The following NFAT5 variants were observed in gnomAD, a reference collection of about 807,000 sequenced individuals.
NFAT5 encodes nuclear factor of activated T cells 5, also known as nuclear factor of activated T-cells 5.
A neutral mutation model predicts 166.5 loss-of-function variants in NFAT5; 31 were observed. The observed-to-expected ratio is 0.19, with a 90% CI of 0.14 to 0.25. The LOEUF (loss-of-function observed/expected upper bound fraction) is 0.25. Ranked by LOEUF, NFAT5 falls within the 10% of genes least tolerant of loss-of-function variation. NFAT5 has a pLI of 1.00. For missense variants in NFAT5, 1,449 were observed against 1,821.8 expected (o/e 0.80, Z 3.72); for synonymous variants, 612 against 639.7 (o/e 0.96, Z 0.65).
At chr16:69,607,489 A>G (rs1008171301) in intron 2 of NFAT5, among the ~76,000 whole-genome samples, 1 of 152,244 alleles carries the variant, frequency 6.6e-6, no homozygotes, top group Non-Finnish European at 1.5e-5. Flanking sequence ...ATGAAAATTT[A>G]TGTGCTTTTA....
At chr16:69,609,819 GAAAAAAAAAA>G (rs1157655325) in intron 2 of NFAT5, among the ~76,000 whole-genome samples, 2 of 75,324 alleles carry the variant, frequency 2.7e-5, no homozygotes, top group Admixed American at 1.8e-4. Context: ...TGTCTCTACT[GAAAAAAAAAA>G]AAAAAAAAAA....
chr16:69,670,155 T>C (rs1160759052), intron 8 of NFAT5, 44 bp downstream of exon 8: 33 of 1,597,238 alleles, frequency 2.1e-5, no homozygotes, highest in Non-Finnish European at 2.8e-5. Context: ...ATGTTTTCAC[T>C]TTGTTATATG....
At chr16:69,637,681 C>T (rs924006393) in intron 3 of NFAT5, among the ~76,000 whole-genome samples, 1 of 152,184 alleles carries the variant, frequency 6.6e-6, no homozygotes, top group Non-Finnish European at 1.5e-5. Flanking sequence ...TCAAATACCA[C>T]CTCCTGGGTC....
chr16:69,649,972 A>G (rs1196815449), intron 4 of NFAT5, among the ~76,000 whole-genome samples: 1 of 152,004 alleles, frequency 6.6e-6, no homozygotes. Context: ...ACCATTAAAA[A>G]AAAAAGCTTA....
At chr16:69,674,322 A>G (rs946959721) in intron 9 of NFAT5, among the ~76,000 whole-genome samples, 1 of 151,852 alleles carries the variant, frequency 6.6e-6, no homozygotes, top group African/African-American at 2.4e-5. Context: ...TCTTTGTTCA[A>G]TTGTTTTCTG....
At chr16:69,598,524 G>A (rs113955299) in intron 2 of NFAT5, among the ~76,000 whole-genome samples, 2,833 of 151,532 alleles carry the variant, frequency 0.019, 96 homozygotes, top group African/African-American at 0.061. Context: ...TAAAATAATT[G>A]TTTCATGATA....
At chr16:69,575,353 A>C (rs2016685325) in intron 2 of NFAT5, among the ~76,000 whole-genome samples, 1 of 152,070 alleles carries the variant, frequency 6.6e-6, no homozygotes, top group South Asian at 2.1e-4. Flanking sequence ...TTTTTAGTAG[A>C]GACAGGGTTT....
chr16:69,650,866 G>T (rs1280968131), intron 4 of NFAT5, among the ~76,000 whole-genome samples: 1 of 152,070 alleles, frequency 6.6e-6, no homozygotes, highest in African/African-American at 2.4e-5. Flanking sequence ...TTTACTTTAA[G>T]ATTAGTATAA....
chr16:69,627,977 C>A (rs1005035327), intron 3 of NFAT5, among the ~76,000 whole-genome samples: 1 of 152,040 alleles, frequency 6.6e-6, no homozygotes, highest in Non-Finnish European at 1.5e-5. Flanking sequence ...TAACTGATTT[C>A]TTTTGTATCT....
intron 2 of NFAT5, among the ~76,000 whole-genome samples, chr16:69,610,139 G>T (rs1468167368): frequency 6.6e-6 from 1 of 152,170 alleles, no homozygotes; most frequent in Admixed American, 6.5e-5. Flanking sequence ...ATAACTGAAA[G>T]TGAAGACCCT....
intron 2 of NFAT5, among the ~76,000 whole-genome samples, chr16:69,610,181 A>T (rs2033642678): frequency 6.6e-6 from 1 of 152,188 alleles, no homozygotes. Context: ...GTTAATCAGA[A>T]AATTGGTGAT....
chr16:69,652,111 A>G (rs1166252356), intron 4 of NFAT5, among the ~76,000 whole-genome samples: 2 of 152,220 alleles, frequency 1.3e-5, no homozygotes, highest in African/African-American at 2.4e-5. Flanking sequence ...TTGAACATGC[A>G]TTCCACATAG....
intron 3 of NFAT5, among the ~76,000 whole-genome samples, chr16:69,633,939 A>G (rs2034834125): frequency 6.6e-6 from 1 of 152,162 alleles, no homozygotes; most frequent in Non-Finnish European, 1.5e-5. Context: ...CTACCCCATG[A>G]ATATGTATGA....
At chr16:69,573,425 G>A (rs958338270) in intron 2 of NFAT5, among the ~76,000 whole-genome samples, 1 of 152,022 alleles carries the variant, frequency 6.6e-6, no homozygotes, top group African/African-American at 2.4e-5. Context: ...TATGTACAAA[G>A]ATACCTTTTT....
intron 11 of NFAT5, chr16:69,685,186 ATATAT>A (rs1422727211): frequency 0.019 from 1,760 of 93,814 alleles, 17 homozygotes; most frequent in East Asian, 0.066. Flanking sequence ...ATATATATAT[ATATAT>A]TTTTTTTTTT....
chr16:69,676,439 G>A (rs569780276), intron 9 of NFAT5, among the ~76,000 whole-genome samples: 1 of 152,312 alleles, frequency 6.6e-6, no homozygotes, highest in South Asian at 2.1e-4. Context: ...GTAGCGAACT[G>A]CATTGTGAAA....
chr16:69,628,902 G>A (rs1007693152), intron 3 of NFAT5, among the ~76,000 whole-genome samples: 4 of 152,086 alleles, frequency 2.6e-5, no homozygotes, highest in Non-Finnish European at 4.4e-5. Flanking sequence ...GTGAAACTGC[G>A]TCTCTACTAA....
intron 3 of NFAT5, among the ~76,000 whole-genome samples, chr16:69,635,676 G>A (rs2034934114): frequency 1.3e-5 from 2 of 152,102 alleles, no homozygotes; most frequent in Admixed American, 6.5e-5. Context: ...GAGAAAATGA[G>A]GAAGAAGCAA....
chr16:69,630,418 A>G (rs1185646806), intron 3 of NFAT5, among the ~76,000 whole-genome samples: 1 of 151,994 alleles, frequency 6.6e-6, no homozygotes, highest in African/African-American at 2.4e-5. Context: ...CAGTTCTCCT[A>G]CCTTGGACTC....
Sources: allele counts gnomAD v4.1 joint callset (sites outside exome capture counted in the v4.1 genomes callset), GRCh38; gene constraint gnomAD v4.1.1; transcripts MANE v1.5; gene names NCBI Gene and HGNC (gene_info 2026-07-23, HGNC 2026-07-21).